The following SRPX variants were observed in gnomAD, a reference collection of about 807,000 sequenced individuals.
SRPX encodes sushi repeat containing protein X-linked.
A neutral mutation model predicts 38.1 loss-of-function variants in SRPX; 24 were observed. That is an observed-to-expected ratio of 0.63 (90% confidence interval 0.46 to 0.89). The LOEUF is 0.89. Among genes scored for constraint, SRPX ranks in the 40% least tolerant of loss-of-function variants. The pLI is 0.00. For missense variants in SRPX, 416 were observed against 377.8 expected, an observed-to-expected ratio of 1.10 and a Z score of -0.84; for synonymous variants, 184 against 153.8, an observed-to-expected ratio of 1.20 and a Z score of -1.45.
chrX:38,166,694 T>C (rs1003882383), intron 4 of SRPX, among the ~76,000 whole-genome samples: 5 of 112,113 alleles, frequency 4.5e-5, no homozygotes, highest in African/African-American at 1.6e-4. Flanking sequence ...CAAATATAGC[T>C]GGCAATTACA....
At chrX:38,181,142 G>C (rs1458355416) in intron 1 of SRPX, among the ~76,000 whole-genome samples, 1 of 112,098 alleles carries the variant, frequency 8.9e-6, no homozygotes, top group Admixed American at 9.5e-5. Flanking sequence ...TGAGTTCTAA[G>C]GCCTTTAGAG....
chrX:38,173,373 C>T (rs1938510354), intron 3 of SRPX, among the ~76,000 whole-genome samples: 2 of 112,203 alleles, frequency 1.8e-5, no homozygotes, highest in South Asian at 3.8e-4. Context: ...GAGGCACACT[C>T]ACTTTCATAA....
At chrX:38,185,140 G>A (rs1455038066) in intron 1 of SRPX, among the ~76,000 whole-genome samples, 4 of 111,796 alleles carry the variant, frequency 3.6e-5, no homozygotes, top group Non-Finnish European at 7.5e-5. Context: ...AATTTACCTT[G>A]TATACCCAGT....
At chrX:38,208,194 A>G (rs980702849) in intron 1 of SRPX, among the ~76,000 whole-genome samples, 3 of 111,806 alleles carry the variant, frequency 2.7e-5, no homozygotes, top group Non-Finnish European at 5.6e-5. Context: ...CATATATAGT[A>G]AAGTGCACAA....
chrX:38,196,435 T>G (rs1939001217), intron 1 of SRPX, among the ~76,000 whole-genome samples: 1 of 112,727 alleles, frequency 8.9e-6, no homozygotes, highest in Non-Finnish European at 1.9e-5. Flanking sequence ...CTCTCATATT[T>G]GCTATTCTAT....
At chrX:38,184,485 G>C (rs979149886) in intron 1 of SRPX, among the ~76,000 whole-genome samples, 14 of 111,691 alleles carry the variant, frequency 1.3e-4, no homozygotes, top group Non-Finnish European at 2.4e-4. Context: ...CTTTGCAGTA[G>C]GGATTCTTAA....
At chrX:38,204,680 G>A (rs1366707957) in intron 1 of SRPX, among the ~76,000 whole-genome samples, 1 of 111,652 alleles carries the variant, frequency 9.0e-6, no homozygotes, top group African/African-American at 3.3e-5. Flanking sequence ...AAACTGTTCT[G>A]TTACTTCTCA....
At chrX:38,175,031 G>A (rs1938543571) in intron 2 of SRPX, among the ~76,000 whole-genome samples, 1 of 112,208 alleles carries the variant, frequency 8.9e-6, no homozygotes, top group Non-Finnish European at 1.9e-5. Flanking sequence ...TGGCAAAGTT[G>A]CAGGTGTTTT....
intron 5 of SRPX, among the ~76,000 whole-genome samples, chrX:38,162,870 C>G (rs766094114): frequency 6.2e-5 from 7 of 112,451 alleles, no homozygotes. Context: ...CGCAAGTTAC[C>G]CATAAAAAGA....
intron 1 of SRPX, among the ~76,000 whole-genome samples, chrX:38,209,786 T>C (rs919467215): frequency 4.4e-5 from 5 of 112,453 alleles, no homozygotes; most frequent in African/African-American, 1.6e-4. Context: ...AAAGAACACA[T>C]GTTGGCAACA....
chrX:38,197,429 T>G (rs745454255), intron 1 of SRPX, among the ~76,000 whole-genome samples: 4 of 112,296 alleles, frequency 3.6e-5, no homozygotes, highest in Middle Eastern at 9.2e-3. Flanking sequence ...GGCCAATTCT[T>G]TTTTTTTCCT....
At chrX:38,154,212 C>T (rs1288660645) in intron 9 of SRPX, among the ~76,000 whole-genome samples, 1 of 92,763 alleles carries the variant, frequency 1.1e-5, no homozygotes, top group Non-Finnish European at 2.0e-5. Context: ...CACACACACA[C>T]ATACACACAC....
chrX:38,214,842 C>G (rs779150864), intron 1 of SRPX, among the ~76,000 whole-genome samples: 18 of 111,857 alleles, frequency 1.6e-4, no homozygotes, highest in African/African-American at 4.9e-4. Flanking sequence ...ACCGTGTTTG[C>G]GAACAATCTT....
chrX:38,204,358 G>A (rs1317626995), intron 1 of SRPX, among the ~76,000 whole-genome samples: 1 of 112,344 alleles, frequency 8.9e-6, no homozygotes, highest in South Asian at 3.7e-4. Context: ...GACAGTATTG[G>A]TATTAGTGAA....
chrX:38,194,622 C>T (rs767733602), intron 1 of SRPX, among the ~76,000 whole-genome samples: 2 of 111,497 alleles, frequency 1.8e-5, no homozygotes, highest in Non-Finnish European at 3.8e-5. Context: ...CTAGCAACAA[C>T]CCAAAATGCA....
chrX:38,194,014 T>C (rs1045346819), intron 1 of SRPX, among the ~76,000 whole-genome samples: 1 of 111,795 alleles, frequency 8.9e-6, no homozygotes, highest in Non-Finnish European at 1.9e-5. Flanking sequence ...TGAGCTTTAA[T>C]TTCCATGGAC....
intron 1 of SRPX, among the ~76,000 whole-genome samples, chrX:38,214,084 C>A (rs750134473): frequency 1.1e-3 from 128 of 111,541 alleles, no homozygotes; most frequent in African/African-American, 3.8e-3. Flanking sequence ...CCACAGGATG[C>A]CTGACATGTA....
At chrX:38,190,857 T>C (rs891965679) in intron 1 of SRPX, among the ~76,000 whole-genome samples, 2 of 111,400 alleles carry the variant, frequency 1.8e-5, no homozygotes, top group Non-Finnish European at 3.8e-5. Flanking sequence ...GTGGTTCTAG[T>C]AGAGGTGAGT....
chrX:38,220,611 C>A, intron 1 of SRPX, 85 bp downstream of exon 1: 1 of 1,132,768 alleles, frequency 8.8e-7, no homozygotes, highest in Non-Finnish European at 1.2e-6. Flanking sequence ...CCGGCACCTC[C>A]CTCTATCCCG....
Sources: gnomAD v4.1 joint callset for allele counts (sites outside exome capture counted in the v4.1 genomes callset) on GRCh38, gnomAD v4.1.1 for gene constraint, MANE v1.5 for transcripts, NCBI Gene and HGNC (gene_info 2026-07-23, HGNC 2026-07-21) for gene names.